Variants in GALNT13 observed in about 807,000 individuals in gnomAD.
The protein encoded by GALNT13 is UDP-GalNAc:polypeptide N-acetylgalactosaminyltransferase 13.
Under a neutral mutation model 64.2 loss-of-function variants are expected in GALNT13, and 28 were observed. That is an observed-to-expected ratio of 0.44 (90% CI 0.32 to 0.60). The LOEUF is 0.60. GALNT13 is among the 20% of genes least tolerant of loss of function. The pLI, the probability that GALNT13 is intolerant of heterozygous loss-of-function variation, is 0.05. For missense variants in GALNT13, 577 were observed against 669.8 expected (o/e 0.86, Z 1.53); for synonymous variants, 214 against 224.6 (o/e 0.95, Z 0.42).
chr2:154,266,043 A>G lies in GALNT13; in HGVS notation c.975+6905A>G, dbSNP rs147209947. On this transcript the variant is annotated intron_variant, in intron 8 of 12. Transcript: ENST00000392825. ...ATCTGAATAGAGTCAAGAAAAGTATATAACAAACTCAGTCTACTCCTGAAT... is the reference window on the plus strand; with the variant it reads ...ATCTGAATAGAGTCAAGAAAAGTATGTAACAAACTCAGTCTACTCCTGAAT... 4.6e-4 allele frequency among the ~76,000 whole-genome samples: 70 copies of G among 152,326 alleles called. 1 individual carries two copies. In the East Asian group the frequency reaches 0.013, roughly 29 times the overall value.
intron 3 of GALNT13, among the ~76,000 whole-genome samples, chr2:154,059,244 A>G (rs1386024984): frequency 6.6e-6 from 1 of 152,234 alleles, no homozygotes; most frequent in Non-Finnish European, 1.5e-5. Flanking sequence ...GTTGTAGAAT[A>G]TAAACAGAAT....
the GALNT13 span, among the ~76,000 whole-genome samples, chr2:153,695,260 T>C: frequency 2.0e-5 from 3 of 152,200 alleles, no homozygotes; most frequent in South Asian, 6.2e-4. Context: ...ATATTCAGCA[T>C]AAACAACATT....
chr2:154,161,153 A>G (rs947697153), intron 4 of GALNT13, among the ~76,000 whole-genome samples: 1 of 152,186 alleles, frequency 6.6e-6, no homozygotes, highest in Non-Finnish European at 1.5e-5. Context: ...ACACTGAAAT[A>G]TGCATGCGAT....
rs113828589 is a variant in GALNT13, at chr2:153,987,321, G to A, written c.142+42682G>A. On this transcript the variant is annotated intron_variant, in intron 3 of 12. Transcript: ENST00000392825. ...AAGTTCGTTGTTGTCTGTTGGATTT[G>A]AGAGCCTCATAATTCATCTAGGTGG... Among the ~76,000 whole-genome samples, 397 of 151,984 alleles carry A rather than the reference G, an allele frequency of 2.6e-3. 1 individual carries two copies. The highest frequency in any genetic ancestry group is 9.1e-3 in the African/African-American group (377 of 41,516).
chr2:153,620,138 T>G, the GALNT13 span, among the ~76,000 whole-genome samples: 1 of 152,128 alleles, frequency 6.6e-6, no homozygotes, highest in African/African-American at 2.4e-5. Context: ...TATTTTTATT[T>G]TTTGAGACAG....
chr2:153,832,415 T>C, the GALNT13 span, among the ~76,000 whole-genome samples: 1 of 152,078 alleles, frequency 6.6e-6, no homozygotes, highest in African/African-American at 2.4e-5. Context: ...CAAAAATAAG[T>C]GGAGTTATCA....
chr2:153,310,283 A>G, the GALNT13 span, among the ~76,000 whole-genome samples: 2 of 152,208 alleles, frequency 1.3e-5, no homozygotes, highest in African/African-American at 4.8e-5. Flanking sequence ...AGTAAATTAC[A>G]TTGATTTTTT....
intron 2 of GALNT13, among the ~76,000 whole-genome samples, chr2:153,926,548 C>T (rs777158356): frequency 2.2e-4 from 34 of 152,248 alleles, no homozygotes; most frequent in Admixed American, 1.6e-3. Context: ...AAATTCTTAT[C>T]TTTCCAGAGA....
chr2:153,486,816 G>A, the GALNT13 span, among the ~76,000 whole-genome samples: 10 of 152,122 alleles, frequency 6.6e-5, no homozygotes, highest in Admixed American at 3.9e-4. Context: ...GACTTTCCAT[G>A]TACTCTTTAA....
At chr2:153,085,106 A>AT in the GALNT13 span, among the ~76,000 whole-genome samples, 1 of 152,130 alleles carries the variant, frequency 6.6e-6, no homozygotes, top group African/African-American at 2.4e-5. Flanking sequence ...AGACTGGCAC[A>AT]TTTTTTCCCT....
chr2:154,325,407 C>T (rs1215847465), intron 9 of GALNT13, among the ~76,000 whole-genome samples: 1 of 152,082 alleles, frequency 6.6e-6, no homozygotes. Flanking sequence ...CAGATTAAGG[C>T]CCTCAAATAC....
the GALNT13 span, among the ~76,000 whole-genome samples, chr2:153,081,262 T>G: frequency 2.0e-5 from 3 of 152,162 alleles, no homozygotes; most frequent in African/African-American, 7.2e-5. Flanking sequence ...TATATATTTA[T>G]GGTGTGCATG....
chr2:153,451,044 C>T, the GALNT13 span, among the ~76,000 whole-genome samples: 1 of 152,030 alleles, frequency 6.6e-6, no homozygotes, highest in Non-Finnish European at 1.5e-5. Context: ...ATCAAACACC[C>T]CAGGGAGGCA....
intron 3 of GALNT13, among the ~76,000 whole-genome samples, chr2:153,971,084 G>A (rs1693706245): frequency 6.6e-6 from 1 of 152,114 alleles, no homozygotes; most frequent in African/African-American, 2.4e-5. Context: ...TTCTTGCAAT[G>A]TGGCAGGTAT....
At chr2:153,842,758 A>C in the GALNT13 span, among the ~76,000 whole-genome samples, 1 of 151,900 alleles carries the variant, frequency 6.6e-6, no homozygotes, top group South Asian at 2.1e-4. Flanking sequence ...ACACACACAC[A>C]CCTACACTGG....
chr2:153,257,574 T>C, the GALNT13 span, among the ~76,000 whole-genome samples: 1 of 152,172 alleles, frequency 6.6e-6, no homozygotes, highest in African/African-American at 2.4e-5. Context: ...TGAAATAATC[T>C]TTTCTGACTT....
At chr2:153,916,085 TTCCTTCCTTCCTTCTG>T (rs1689318603) in intron 2 of GALNT13, among the ~76,000 whole-genome samples, 2 of 151,888 alleles carry the variant, frequency 1.3e-5, no homozygotes, top group South Asian at 4.2e-4. Context: ...TCTTTTCTTT[TTCCTTCCTTCCTTCTG>T]TCCTTCCTTC....
At chr2:153,181,376 A>T in the GALNT13 span, among the ~76,000 whole-genome samples, 54 of 150,798 alleles carry the variant, frequency 3.6e-4, 1 homozygote, top group East Asian at 9.3e-3. Context: ...AAGGTACTTG[A>T]TATAATTTAA....
intron 3 of GALNT13, among the ~76,000 whole-genome samples, chr2:154,112,104 AT>A (rs1333348944): frequency 6.6e-6 from 1 of 152,202 alleles, no homozygotes; most frequent in Non-Finnish European, 1.5e-5. Context: ...TGCCCTTTCC[AT>A]GATGGAAGAG....
Sources: allele counts gnomAD v4.1 joint callset (sites outside exome capture counted in the v4.1 genomes callset), GRCh38; gene constraint gnomAD v4.1.1; transcripts MANE v1.5; gene names NCBI Gene and HGNC (gene_info 2026-07-23, HGNC 2026-07-21).